Variants in PLCL2 observed in about 807,000 individuals in gnomAD.
PLCL2 encodes the protein phospholipase C like 2.
PLCL2 carries 4 observed loss-of-function variants against 79.6 expected under a neutral mutation model. That is an observed-to-expected ratio of 0.05 (90% CI 0.02 to 0.11). PLCL2 has a LOEUF of 0.11. PLCL2 is among the 10% of genes least tolerant of loss of function. The pLI, the probability that PLCL2 is intolerant of heterozygous loss-of-function variation, is 1.00. For missense variants in PLCL2, 895 were observed against 1,291.0 expected (o/e 0.69, Z 4.70); for synonymous variants, 484 against 457.7 (o/e 1.06, Z -0.73).
intron 3 of PLCL2, 139 bp downstream of exon 3, chr3:17,015,050 C>T (rs2064369366): frequency 1.5e-6 from 1 of 666,072 alleles, no homozygotes. Context: ...GAAGTAATTC[C>T]CCTGACCTTG....
At chr3:16,930,610 G>A (rs940132073) in intron 1 of PLCL2, among the ~76,000 whole-genome samples, 4 of 152,184 alleles carry the variant, frequency 2.6e-5, no homozygotes, top group East Asian at 3.9e-4. Flanking sequence ...GCCTCTGTTC[G>A]TCTCTAAGAA....
chr3:16,989,889 T>A (rs957362050), intron 1 of PLCL2, among the ~76,000 whole-genome samples: 1 of 152,106 alleles, frequency 6.6e-6, no homozygotes, highest in Non-Finnish European at 1.5e-5. Context: ...ATAGTAGTAA[T>A]GCTGAAACCA....
intron 1 of PLCL2, 37 bp downstream of exon 1, chr3:16,885,403 C>T (rs1196728215): frequency 5.3e-6 from 3 of 562,664 alleles, no homozygotes; most frequent in Admixed American, 3.5e-5. Flanking sequence ...CCACCCTCAG[C>T]CGTCCTTGGA....
At chr3:17,029,868 C>T (rs962684364) in intron 3 of PLCL2, among the ~76,000 whole-genome samples, 1 of 152,214 alleles carries the variant, frequency 6.6e-6, no homozygotes, top group African/African-American at 2.4e-5. Context: ...CCTTATCTCA[C>T]CTGCCACCAT....
intron 5 of PLCL2, among the ~76,000 whole-genome samples, chr3:17,075,356 C>A (rs1293638344): frequency 1.3e-5 from 2 of 151,828 alleles, no homozygotes; most frequent in Non-Finnish European, 1.5e-5. Flanking sequence ...TTATGGTGCC[C>A]CAAAATAATT....
intron 1 of PLCL2, among the ~76,000 whole-genome samples, chr3:16,957,474 G>A (rs2063717081): frequency 6.6e-6 from 1 of 152,196 alleles, no homozygotes; most frequent in Non-Finnish European, 1.5e-5. Flanking sequence ...TGGAATAGGT[G>A]TGGTGTGGTG....
At chr3:16,975,418 G>C (rs1460590970) in intron 1 of PLCL2, among the ~76,000 whole-genome samples, 1 of 152,176 alleles carries the variant, frequency 6.6e-6, no homozygotes, top group Non-Finnish European at 1.5e-5. Context: ...ATCTAGTGTA[G>C]AGCATAATAG....
intron 3 of PLCL2, among the ~76,000 whole-genome samples, chr3:17,028,573 C>T (rs1017167154): frequency 6.6e-6 from 1 of 151,636 alleles, no homozygotes; most frequent in African/African-American, 2.4e-5. Flanking sequence ...GCCTCCTGGG[C>T]TCAAACAATT....
intron 3 of PLCL2, among the ~76,000 whole-genome samples, chr3:17,036,540 A>G (rs2064657566): frequency 6.6e-6 from 1 of 152,208 alleles, no homozygotes; most frequent in Non-Finnish European, 1.5e-5. Context: ...GAGAGATTAT[A>G]TTGTTAACTC....
intron 1 of PLCL2, among the ~76,000 whole-genome samples, chr3:16,928,587 G>T (rs1697313326): frequency 6.6e-6 from 1 of 152,218 alleles, no homozygotes; most frequent in Non-Finnish European, 1.5e-5. Flanking sequence ...GCTGCAACCT[G>T]CAGGGTTGAG....
chr3:17,028,981 G>A (rs1368775459), intron 3 of PLCL2, among the ~76,000 whole-genome samples: 3 of 152,124 alleles, frequency 2.0e-5, no homozygotes, highest in Non-Finnish European at 4.4e-5. Context: ...ATATGTCCCT[G>A]TATTCCCCGA....
intron 1 of PLCL2, among the ~76,000 whole-genome samples, chr3:16,991,265 G>C (rs1663998906): frequency 6.6e-6 from 1 of 152,126 alleles, no homozygotes; most frequent in Non-Finnish European, 1.5e-5. Flanking sequence ...GGGATGATAG[G>C]TCCTGCTTCA....
intron 1 of PLCL2, among the ~76,000 whole-genome samples, chr3:16,988,468 AG>A (rs1452950662): frequency 6.6e-6 from 1 of 152,050 alleles, no homozygotes; most frequent in Non-Finnish European, 1.5e-5. Flanking sequence ...CCTTTTCTTG[AG>A]GGAAATGGAA....
chr3:17,048,065 GGATT>G (rs1441695353), intron 4 of PLCL2, among the ~76,000 whole-genome samples: 1 of 149,006 alleles, frequency 6.7e-6, no homozygotes, highest in East Asian at 2.0e-4. Flanking sequence ...TACATGACCT[GGATT>G]TAATTGCTCA....
At chr3:16,995,628 G>A (rs2064146503) in intron 1 of PLCL2, among the ~76,000 whole-genome samples, 1 of 152,046 alleles carries the variant, frequency 6.6e-6, no homozygotes, top group Non-Finnish European at 1.5e-5. Context: ...TTGAAGTTTT[G>A]TATTTTAAAC....
intron 1 of PLCL2, among the ~76,000 whole-genome samples, chr3:16,939,536 A>C (rs1375981473): frequency 6.6e-6 from 1 of 152,252 alleles, no homozygotes; most frequent in African/African-American, 2.4e-5. Context: ...ACCTGTAGAC[A>C]AAGCAGACCA....
rs1236286497 is a variant in PLCL2 at position 16,887,598 on chromosome 3, G to C, written c.327+2232G>C. ...GCTATATTTAAATAGGTAACTACTT[G>C]GTATATTTCCCTTTGAATTGGTGCC... On this transcript the variant is annotated intron_variant, in intron 1 of 5. Transcript: ENST00000615277. The surrounding 1 kb of genome is among the most constrained non-coding windows in gnomAD (Gnocchi z 4.1). 2.0e-5 allele frequency among the ~76,000 whole-genome samples: 3 copies of C among 152,014 alleles called. No individual in the cohort carries two copies. Among genetic ancestry groups the C allele is most frequent in the Admixed American group, 1.3e-4 (2 of 15,268 alleles).
intron 1 of PLCL2, among the ~76,000 whole-genome samples, chr3:16,892,642 C>T (rs1026852902): frequency 2.0e-5 from 3 of 152,084 alleles, no homozygotes; most frequent in Admixed American, 6.5e-5. Context: ...TGTAGGAGTG[C>T]GATCTCTAAT....
At chr3:17,042,423 G>C (rs2064734445) in intron 3 of PLCL2, among the ~76,000 whole-genome samples, 1 of 152,190 alleles carries the variant, frequency 6.6e-6, no homozygotes. Context: ...AATTCTCATT[G>C]TATGTTTTAA....
Sources: allele counts gnomAD v4.1 joint callset (sites outside exome capture counted in the v4.1 genomes callset), GRCh38; gene constraint gnomAD v4.1.1; non-coding constraint Gnocchi (gnomAD v3.1); transcripts MANE v1.5; gene names NCBI Gene and HGNC (gene_info 2026-07-23, HGNC 2026-07-21).